Variants in CYRIA observed in about 807,000 individuals in gnomAD.
The protein encoded by CYRIA is CYFIP related Rac1 interactor A.
Under a neutral mutation model 43.9 loss-of-function variants are expected in CYRIA, and 15 were observed. The observed-to-expected ratio is 0.34, with a 90% confidence interval of 0.23 to 0.53. The LOEUF is 0.53. CYRIA is among the 20% of genes least tolerant of loss of function. The probability of loss-of-function intolerance (pLI) is 0.94; values close to 1 mark genes in which losing one functional copy is unlikely to be tolerated. For synonymous variants in CYRIA, 117 were observed against 136.0 expected (o/e 0.86, Z 0.97); for missense variants, 236 against 394.2 (o/e 0.60, Z 3.40).
chr2:16,560,922 C>T, intron 9 of CYRIA, 68 bp downstream of exon 9: 2 of 1,355,966 alleles, frequency 1.5e-6, no homozygotes, highest in South Asian at 1.2e-5. Flanking sequence ...ATATCATTAA[C>T]ATCATCATCT....
At chr2:16,564,723 T>G (rs1377854816) in intron 4 of CYRIA, among the ~76,000 whole-genome samples, 2 of 152,186 alleles carry the variant, frequency 1.3e-5, no homozygotes, top group East Asian at 3.8e-4. Context: ...TGTGTTGGTA[T>G]TGCCACAAAA....
intron 3 of CYRIA, among the ~76,000 whole-genome samples, chr2:16,569,640 G>A (rs986778721): frequency 6.6e-6 from 1 of 152,198 alleles, no homozygotes; most frequent in Non-Finnish European, 1.5e-5. Flanking sequence ...TGACAACTGG[G>A]AGAAGCTCTA....
At chr2:16,555,954 T>C (rs1216565212) in intron 10 of CYRIA, among the ~76,000 whole-genome samples, 1 of 152,162 alleles carries the variant, frequency 6.6e-6, no homozygotes, top group African/African-American at 2.4e-5. Context: ...CTTAGCTTTT[T>C]GTGTCTGTAT....
chr2:16,570,446 G>C (rs1293560252), intron 3 of CYRIA, among the ~76,000 whole-genome samples: 1 of 152,080 alleles, frequency 6.6e-6, no homozygotes, highest in African/African-American at 2.4e-5. Context: ...ACTGCACTTA[G>C]GTTTACGTTT....
chr2:16,614,520 C>T (rs944990133), intron 2 of CYRIA, among the ~76,000 whole-genome samples: 6 of 152,212 alleles, frequency 3.9e-5, no homozygotes, highest in African/African-American at 7.2e-5. Flanking sequence ...CCTCTACATT[C>T]GAACGCTTTG....
chr2:16,568,061 A>G (rs1233270399), intron 3 of CYRIA, among the ~76,000 whole-genome samples: 1 of 152,182 alleles, frequency 6.6e-6, no homozygotes, highest in Non-Finnish European at 1.5e-5. Flanking sequence ...CATTTATTAC[A>G]GGTTGAGCTT....
At chr2:16,646,394 T>A (rs1250017558) in intron 1 of CYRIA, among the ~76,000 whole-genome samples, 2 of 152,216 alleles carry the variant, frequency 1.3e-5, no homozygotes, top group Non-Finnish European at 2.9e-5. Flanking sequence ...CCTGTTTAGT[T>A]GTCCTATGAG....
At chr2:16,624,364 T>C (rs1669093724) in intron 1 of CYRIA, among the ~76,000 whole-genome samples, 1 of 152,224 alleles carries the variant, frequency 6.6e-6, no homozygotes, top group Non-Finnish European at 1.5e-5. Flanking sequence ...GTCTTTTTAT[T>C]TTTTATTTTT....
intron 3 of CYRIA, among the ~76,000 whole-genome samples, chr2:16,578,159 G>C (rs1205434119): frequency 6.6e-6 from 1 of 152,184 alleles, no homozygotes; most frequent in African/African-American, 2.4e-5. Flanking sequence ...GGCCTGCTTT[G>C]ATCCTTCCCT....
chr2:16,564,382 C>T (rs1666855642), intron 4 of CYRIA, among the ~76,000 whole-genome samples: 2 of 152,172 alleles, frequency 1.3e-5, no homozygotes, highest in Non-Finnish European at 2.9e-5. Context: ...ACTCAGCCCT[C>T]TCCATCACCA....
chr2:16,556,156 C>T (rs972092100), intron 10 of CYRIA, among the ~76,000 whole-genome samples: 1 of 152,102 alleles, frequency 6.6e-6, no homozygotes, highest in Non-Finnish European at 1.5e-5. Context: ...CATTTTCTGT[C>T]ATTGTGCTTC....
chr2:16,656,449 T>C (rs963862980), intron 1 of CYRIA, among the ~76,000 whole-genome samples: 1 of 152,194 alleles, frequency 6.6e-6, no homozygotes, highest in Non-Finnish European at 1.5e-5. Context: ...TGTGCGCTGA[T>C]GTGAACCATA....
intron 1 of CYRIA, among the ~76,000 whole-genome samples, chr2:16,634,620 C>T (rs557384532): frequency 2.7e-4 from 41 of 152,262 alleles, no homozygotes; most frequent in Middle Eastern, 3.4e-3. Flanking sequence ...AAACTCTTAC[C>T]AGGTGACTGC....
At chr2:16,582,635 T>A (rs916539413) in intron 3 of CYRIA, among the ~76,000 whole-genome samples, 1 of 152,198 alleles carries the variant, frequency 6.6e-6, no homozygotes, top group African/African-American at 2.4e-5. Context: ...TGTAACTAGC[T>A]TCTTTCACTT....
At chr2:16,605,192 T>C (rs1334457826) in intron 2 of CYRIA, among the ~76,000 whole-genome samples, 1 of 152,200 alleles carries the variant, frequency 6.6e-6, no homozygotes, top group Non-Finnish European at 1.5e-5. Flanking sequence ...AATAGTTCTT[T>C]CAATATCTGA....
intron 1 of CYRIA, among the ~76,000 whole-genome samples, chr2:16,648,151 T>G (rs2103544203): frequency 6.6e-6 from 1 of 152,198 alleles, no homozygotes; most frequent in South Asian, 2.1e-4. Context: ...TGGAGAAGTG[T>G]CCCAGGTGGT....
chr2:16,646,764 A>C (rs1669831761), intron 1 of CYRIA, among the ~76,000 whole-genome samples: 1 of 152,190 alleles, frequency 6.6e-6, no homozygotes, highest in Non-Finnish European at 1.5e-5. Flanking sequence ...GGCACTCTTT[A>C]ATATGGATGG....
At chr2:16,615,173 C>G (rs908907052) in intron 2 of CYRIA, among the ~76,000 whole-genome samples, 2 of 152,208 alleles carry the variant, frequency 1.3e-5, no homozygotes, top group African/African-American at 4.8e-5. Context: ...CAAATGCAGT[C>G]TCTCAAGCCC....
chr2:16,563,583 A>G (rs1271983134), intron 5 of CYRIA, among the ~76,000 whole-genome samples: 2 of 152,168 alleles, frequency 1.3e-5, no homozygotes, highest in African/African-American at 4.8e-5. Flanking sequence ...ATAATGTTAC[A>G]TTGTTTTTCT....
Sources: allele counts gnomAD v4.1 joint callset (sites outside exome capture counted in the v4.1 genomes callset), GRCh38; gene constraint gnomAD v4.1.1; transcripts MANE v1.5; gene names NCBI Gene and HGNC (gene_info 2026-07-23, HGNC 2026-07-21).